The following LSM1 variants were observed in gnomAD, a reference collection of about 807,000 sequenced individuals.
LSM1 encodes the protein LSM1 homolog, mRNA degradation associated.
In LSM1, 13 loss-of-function variants were observed where a neutral mutation model predicts 18.0. The observed-to-expected ratio is 0.72, with a 90% CI of 0.47 to 1.15. The LOEUF (loss-of-function observed/expected upper bound fraction) is 1.15, where lower values mean the gene tolerates loss of function less well. LSM1 is among the 50% of genes most tolerant of loss of function. LSM1 has a pLI of 0.00. For synonymous variants in LSM1, 46 were observed against 56.0 expected, an observed-to-expected ratio of 0.82 and a Z score of 0.80; for missense variants, 152 against 157.7, an observed-to-expected ratio of 0.96 and a Z score of 0.19.
chr8:38,175,933 A>T, intron 1 of LSM1: 1 of 253,824 alleles, frequency 3.9e-6, no homozygotes, highest in African/African-American at 2.2e-5. Flanking sequence ...GAAATACTGC[A>T]GGCAGGAGTG....
At chr8:38,164,557 C>G (rs1802897611) in intron 3 of LSM1, among the ~76,000 whole-genome samples, 2 of 150,508 alleles carry the variant, frequency 1.3e-5, no homozygotes, top group Admixed American at 1.3e-4. Flanking sequence ...TGGAGTGGCT[C>G]ACAGTCGTAA....
intron 3 of LSM1, among the ~76,000 whole-genome samples, chr8:38,169,341 A>G (rs540301743): frequency 7.2e-5 from 11 of 152,310 alleles, no homozygotes; most frequent in Admixed American, 2.0e-4. Flanking sequence ...TAAGGATCCA[A>G]GTAAGACTGA....
intron 1 of LSM1, among the ~76,000 whole-genome samples, chr8:38,173,395 C>A (rs935289757): frequency 1.3e-5 from 2 of 151,450 alleles, no homozygotes; most frequent in Non-Finnish European, 2.9e-5. Flanking sequence ...AGAAGGAAAT[C>A]TGTAAATTAA....
chr8:38,168,482 T>A (rs1802974593), intron 3 of LSM1, among the ~76,000 whole-genome samples: 1 of 150,446 alleles, frequency 6.6e-6, no homozygotes, highest in South Asian at 2.1e-4. Flanking sequence ...TCCCAGCTAC[T>A]CGGGAGGCTG....
At position 38,169,852 on chromosome 8, in the gene LSM1, G is replaced by A. The variant is rs984420532; in HGVS notation, c.181C>T (p.Arg61Ter). ...HVGKKYGDIP[R>*]GIFVVRGENV... Reference sequence around the variant, plus strand: ...TCTCCTCTGACCACAAAAATCCCTCGAGGAATATCACCGTATTTTTTGCCC... The same window carrying A: ...TCTCCTCTGACCACAAAAATCCCTCAAGGAATATCACCGTATTTTTTGCCC... The change falls in exon 3 of 4, where the codon CGA (arginine) becomes TGA (stop). Residue 61 changes from arginine (R) to a stop codon, truncating the protein, a stop_gained. Coordinates refer to ENST00000311351, the MANE Select transcript of LSM1 (RefSeq NM_014462.3). LOFTEE classifies it high-confidence loss of function. 5.6e-6 allele frequency: 9 copies of A among 1,613,654 alleles called. No individual in the cohort carries two copies. Among genetic ancestry groups the A allele is most frequent in the South Asian group, 2.2e-5 (2 of 91,064 alleles).
Position 38,176,325 on chromosome 8 carries a change from A to G in LSM1, c.-5T>C. ...GGTGCCAGGCATATAGTTCATTTTGAACTGAAATAATGCTGCAATGCACAG... is the reference window on the plus strand; with the variant it reads ...GGTGCCAGGCATATAGTTCATTTTGGACTGAAATAATGCTGCAATGCACAG... On this transcript the variant is annotated 5_prime_UTR_variant, in exon 1 of 4. Coordinates refer to ENST00000311351, the MANE Select transcript of LSM1 (RefSeq NM_014462.3). 1 of 1,611,642 alleles carries G rather than the reference A, an allele frequency of 6.2e-7. No homozygotes were observed. The highest frequency in any genetic ancestry group is 8.5e-7 in the Non-Finnish European group (1 of 1,178,926).
At chr8:38,169,153 G>T (rs1394017247) in intron 3 of LSM1, among the ~76,000 whole-genome samples, 1 of 151,978 alleles carries the variant, frequency 6.6e-6, no homozygotes, top group Non-Finnish European at 1.5e-5. Flanking sequence ...GAAATCAAAG[G>T]TTTTAAATAA....
At position 38,172,038 on chromosome 8, in the gene LSM1, G is replaced by A. The variant is rs771383767; in HGVS notation, c.47-5C>T. On this transcript the variant is annotated splice_polypyrimidine_tract_variant and splice_region_variant and intron_variant, in intron 1 of 3. Transcript: ENST00000311351. ...GAAGCAGAACCAAGTGCTTTTCTGG[G>A]GAGAGAGGAAAAAATCTTTTAAATG... 3 of 1,603,328 alleles carry A rather than the reference G, an allele frequency of 1.9e-6. No individual in the cohort carries two copies. Among genetic ancestry groups the A allele is most frequent in the Non-Finnish European group, 1.7e-6 (2 of 1,174,962 alleles).
chr8:38,171,419 C>T (rs572046242), intron 2 of LSM1, among the ~76,000 whole-genome samples: 1 of 152,346 alleles, frequency 6.6e-6, no homozygotes, highest in South Asian at 2.1e-4. Context: ...AGCAGAACAA[C>T]TGCCCAGCTC....
At chr8:38,174,869 C>T (rs952706677) in intron 1 of LSM1, among the ~76,000 whole-genome samples, 32 of 151,310 alleles carry the variant, frequency 2.1e-4, no homozygotes, top group African/African-American at 7.5e-4. Context: ...CCAAAAAATG[C>T]AAAAATTAGC....
rs150213275 is a variant in LSM1 at position 38,174,034 on chromosome 8, G to A, written c.47-2001C>T. Among the ~76,000 whole-genome samples the A allele has an allele frequency of 3.8e-3, 571 of 152,232 alleles. 6 individuals carry two copies. Among genetic ancestry groups the A allele is most frequent in the Middle Eastern group, 0.01 (3 of 294 alleles). The stretch of plus-strand genomic sequence containing the variant: ...GTATCACAGTGCTGCAAAGGGGAGA[G>A]AACACAGAAGAAGACCTTAGACGAA... On this transcript the variant is annotated intron_variant, in intron 1 of 3. Transcript: ENST00000311351.
At position 38,163,602 on chromosome 8, in the gene LSM1, G is replaced by T; in HGVS notation, c.*68C>A. On this transcript the variant is annotated 3_prime_UTR_variant, in exon 4 of 4. Coordinates refer to ENST00000311351, the MANE Select transcript of LSM1 (RefSeq NM_014462.3). ...AGTCTGTGATCAAATGCGTGAGGTG[G>T]CCAGGATGTCACTTTCACTCAGTGA... The T allele has an allele frequency of 1.4e-6, 2 of 1,400,128 alleles. No homozygotes were observed. The allele number at this position is 1,400,128 out of a possible 1,614,324, so 86.7% of individuals were successfully genotyped here.
At chr8:38,165,353 C>CA (rs891849436) in intron 3 of LSM1, among the ~76,000 whole-genome samples, 52 of 139,854 alleles carry the variant, frequency 3.7e-4, no homozygotes, top group Admixed American at 7.9e-4. Flanking sequence ...AACTCCATCT[C>CA]AAAAAAAAAC....
rs938489063 is a variant in LSM1 at position 38,163,614 on chromosome 8, C to T, written c.*56G>A. 6 of 1,529,592 alleles carry T rather than the reference C, an allele frequency of 3.9e-6. No homozygotes were observed. Among genetic ancestry groups the T allele is most frequent in the Non-Finnish European group, 4.5e-6 (5 of 1,110,106 alleles). 94.8% of individuals were successfully genotyped at this position (1,529,592 alleles called of 1,614,324 possible). ...AATGCGTGAGGTGGCCAGGATGTCA[C>T]TTTCACTCAGTGACAGCCCCTACTC... On this transcript the variant is annotated 3_prime_UTR_variant, in exon 4 of 4. Transcript: ENST00000311351.
chr8:38,174,461 A>C (rs1478899292), intron 1 of LSM1, among the ~76,000 whole-genome samples: 4 of 152,166 alleles, frequency 2.6e-5, no homozygotes, highest in Non-Finnish European at 5.9e-5. Flanking sequence ...CAAAGGGTGC[A>C]TATCAAATGG....
intron 3 of LSM1, among the ~76,000 whole-genome samples, chr8:38,164,175 C>G (rs1298722265): frequency 1.3e-5 from 2 of 152,160 alleles, no homozygotes; most frequent in Non-Finnish European, 2.9e-5. Context: ...CTGCCTCAGC[C>G]TCCTGAGTAG....
chr8:38,165,212 G>A (rs572069192), intron 3 of LSM1, among the ~76,000 whole-genome samples: 1 of 152,228 alleles, frequency 6.6e-6, no homozygotes, highest in East Asian at 1.9e-4. Flanking sequence ...AATTAGCTGG[G>A]CGTGGTGGCA....
At chr8:38,175,144 G>C (rs1159683893) in intron 1 of LSM1, among the ~76,000 whole-genome samples, 8 of 146,376 alleles carry the variant, frequency 5.5e-5, no homozygotes, top group Admixed American at 5.4e-4. Flanking sequence ...GCAATGGTGC[G>C]ATCTCGGCTC....
chr8:38,173,826 C>T (rs1803070008), intron 1 of LSM1, among the ~76,000 whole-genome samples: 2 of 151,992 alleles, frequency 1.3e-5, no homozygotes, highest in Admixed American at 6.6e-5. Context: ...GATAAATCTA[C>T]AAAGAGGTGA....
Sources: allele counts gnomAD v4.1 joint callset (sites outside exome capture counted in the v4.1 genomes callset), GRCh38; gene constraint gnomAD v4.1.1; transcripts MANE v1.5; gene names NCBI Gene and HGNC (gene_info 2026-07-23, HGNC 2026-07-21).